SH3BP5: variants seen among roughly 807,000 people sequenced by gnomAD.
The protein encoded by SH3BP5 is SH3 domain-binding protein 5.
Under a neutral mutation model 43.3 loss-of-function variants are expected in SH3BP5, and 22 were observed. The observed-to-expected ratio is 0.51, with a 90% CI of 0.36 to 0.73. The LOEUF (loss-of-function observed/expected upper bound fraction) is 0.73. Ranked by LOEUF, SH3BP5 falls within the 30% of genes least tolerant of loss-of-function variation. SH3BP5 has a pLI of 0.00. For synonymous variants in SH3BP5, 255 were observed against 225.8 expected, an observed-to-expected ratio of 1.13 and a Z score of -1.16; for missense variants, 529 against 586.9, an observed-to-expected ratio of 0.90 and a Z score of 1.02.
chr3:15,330,461 A>T lies in SH3BP5; in HGVS notation c.201+43T>A, dbSNP rs778865887. The T allele has an allele frequency of 6.6e-6, 10 of 1,510,256 alleles. No homozygotes were observed. The Admixed American group carries it at 1.2e-4, about 18-fold the overall frequency. 93.6% of individuals were successfully genotyped at this position (1,510,256 alleles called of 1,614,324 possible). On this transcript the variant is annotated intron_variant, in intron 2 of 8. Coordinates refer to ENST00000383791, the MANE Select transcript of SH3BP5 (RefSeq NM_004844.5). ...AATTAACCAGCCTTGTGCCGGTGTG[A>T]GTGACATCACTTCACCAAGAACAGG...
intron 3 of SH3BP5, among the ~76,000 whole-genome samples, chr3:15,276,563 T>C (rs568105838): frequency 8.1e-4 from 123 of 152,294 alleles, no homozygotes; most frequent in African/African-American, 2.9e-3. Flanking sequence ...AACCCCACTA[T>C]GCACAGGATT....
intron 3 of SH3BP5, among the ~76,000 whole-genome samples, chr3:15,296,476 T>A (rs754016332): frequency 1.3e-5 from 2 of 152,066 alleles, no homozygotes; most frequent in Admixed American, 6.6e-5. Context: ...AAGGACAGGA[T>A]CTCTGTTCTA....
chr3:15,288,117 C>T (rs982575891), intron 3 of SH3BP5, among the ~76,000 whole-genome samples: 1 of 152,202 alleles, frequency 6.6e-6, no homozygotes, highest in Non-Finnish European at 1.5e-5. Context: ...CAAAGGCCGT[C>T]TGCTGCAGAA....
At chr3:15,274,480 A>G (rs903815403) in intron 3 of SH3BP5, among the ~76,000 whole-genome samples, 1 of 151,772 alleles carries the variant, frequency 6.6e-6, no homozygotes, top group African/African-American at 2.4e-5. Context: ...AAAGTGCTAC[A>G]CACTTTTTTT....
intron 4 of SH3BP5, among the ~76,000 whole-genome samples, chr3:15,266,597 G>T (rs1194475620): frequency 2.0e-5 from 3 of 152,226 alleles, no homozygotes; most frequent in African/African-American, 7.2e-5. Context: ...GTCCTATGCT[G>T]CCCAAGCTCC....
chr3:15,266,903 G>A (rs1002680001), intron 4 of SH3BP5, among the ~76,000 whole-genome samples: 1 of 152,248 alleles, frequency 6.6e-6, no homozygotes, highest in Non-Finnish European at 1.5e-5. Flanking sequence ...GGCACGTTAC[G>A]TGGGAACCCC....
At chr3:15,302,156 C>A (rs1199027144) in intron 3 of SH3BP5, among the ~76,000 whole-genome samples, 1 of 152,176 alleles carries the variant, frequency 6.6e-6, no homozygotes, top group Non-Finnish European at 1.5e-5. Flanking sequence ...AATGATACAA[C>A]CTTGGCCTAC....
chr3:15,292,829 C>G (rs560135756), intron 3 of SH3BP5, among the ~76,000 whole-genome samples: 1 of 152,244 alleles, frequency 6.6e-6, no homozygotes, highest in Admixed American at 6.5e-5. Flanking sequence ...GCCTGGGCAA[C>G]AAAAGCGAAA....
At chr3:15,290,352 C>T (rs901100376) in intron 3 of SH3BP5, among the ~76,000 whole-genome samples, 17 of 151,902 alleles carry the variant, frequency 1.1e-4, no homozygotes, top group African/African-American at 4.1e-4. Context: ...CAGTGAAATC[C>T]CATCTCTACT....
At chr3:15,298,101 T>C (rs1038644654) in intron 3 of SH3BP5, among the ~76,000 whole-genome samples, 5 of 151,920 alleles carry the variant, frequency 3.3e-5, no homozygotes, top group African/African-American at 1.2e-4. Context: ...CTCTGCCTCC[T>C]GAGTAGCTGG....
intron 4 of SH3BP5, 21 bp from the exon 5 acceptor site, chr3:15,262,310 C>T (rs1376186931): frequency 6.3e-7 from 1 of 1,596,780 alleles, no homozygotes. Context: ...CAGCAGAGTT[C>T]AGCCCAGTCC....
At chr3:15,325,575 A>T (rs1000790060) in intron 2 of SH3BP5, among the ~76,000 whole-genome samples, 11 of 152,094 alleles carry the variant, frequency 7.2e-5, no homozygotes, top group Non-Finnish European at 1.5e-4. Flanking sequence ...ATAACCTACC[A>T]TGTGTATTTT....
chr3:15,313,481 A>G (rs1202078121), intron 2 of SH3BP5, among the ~76,000 whole-genome samples: 1 of 152,208 alleles, frequency 6.6e-6, no homozygotes, highest in African/African-American at 2.4e-5. Context: ...GGCCAGTGGT[A>G]AAGGCAACTG....
chr3:15,256,140 G>A lies in SH3BP5; in HGVS notation c.1314C>T (p.Cys438=), dbSNP rs764880419. ...CAATAATTCCATCTCTTCCCTTTGA[G>A]CACTGTAGGGAGAGCTGCTTCATCC... The part of the protein sequence containing the change: ...ENRMKQLSLQ[C]SKGRDGIIAD... Residue 438 remains cysteine, a synonymous_variant, in exon 9 of 9, where the codon TGC becomes TGT. Transcript: ENST00000383791. 6.2e-7 allele frequency: 1 copy of A among 1,614,172 alleles called. No homozygotes were observed. Among genetic ancestry groups the A allele is most frequent in the Non-Finnish European group, 8.5e-7 (1 of 1,180,024 alleles).
intron 2 of SH3BP5, among the ~76,000 whole-genome samples, chr3:15,320,823 C>A (rs542272379): frequency 6.6e-6 from 1 of 152,260 alleles, no homozygotes; most frequent in African/African-American, 2.4e-5. Flanking sequence ...GAGATGACAC[C>A]TCAGAGTCAC....
intron 3 of SH3BP5, among the ~76,000 whole-genome samples, chr3:15,288,923 T>TC (rs1053287683): frequency 3.9e-5 from 6 of 152,014 alleles, no homozygotes; most frequent in African/African-American, 1.4e-4. Context: ...CTCACAAATC[T>TC]CCAACACAAT....
At chr3:15,314,337 T>C (rs79338091) in intron 2 of SH3BP5, among the ~76,000 whole-genome samples, 4,203 of 152,100 alleles carry the variant, frequency 0.028, 72 homozygotes, top group South Asian at 0.072. Context: ...GATCCTGCCA[T>C]GCTTTTTGGG....
intron 4 of SH3BP5, among the ~76,000 whole-genome samples, chr3:15,267,529 T>C (rs1696678466): frequency 6.6e-6 from 1 of 152,350 alleles, no homozygotes; most frequent in East Asian, 1.9e-4. Context: ...CCTGCCAATC[T>C]GCAGAGGTTG....
intron 5 of SH3BP5, 50 bp from the exon 6 acceptor site, chr3:15,259,853 A>G: frequency 6.5e-7 from 1 of 1,547,558 alleles, no homozygotes; most frequent in Non-Finnish European, 8.9e-7. Context: ...TACAGTGACC[A>G]CAGTCAACTC....
Sources: allele counts gnomAD v4.1 joint callset (sites outside exome capture counted in the v4.1 genomes callset), GRCh38; gene constraint gnomAD v4.1.1; transcripts MANE v1.5; gene names NCBI Gene and HGNC (gene_info 2026-07-23, HGNC 2026-07-21).